Variants in TAF8 observed in about 807,000 individuals in gnomAD.
TAF8 encodes TATA-box binding protein associated factor 8, also known as transcription initiation factor TFIID subunit 8.
TAF8 carries 47 observed loss-of-function variants against 36.5 expected under a neutral mutation model. That is an observed-to-expected ratio of 1.29 (90% CI 1.02 to 1.64). The LOEUF is 1.64. Ranked by LOEUF, TAF8 falls within the 40% of genes most tolerant of loss-of-function variation. The pLI, the probability that TAF8 is intolerant of heterozygous loss-of-function variation, is 0.00. For synonymous variants in TAF8, 175 were observed against 159.5 expected, an observed-to-expected ratio of 1.10 and a Z score of -0.73; for missense variants, 420 against 407.6, an observed-to-expected ratio of 1.03 and a Z score of -0.26.
chr6:42,053,653 G>T lies in TAF8; in HGVS notation c.203-1878G>T, dbSNP rs189150363. Among the ~76,000 whole-genome samples the T allele has an allele frequency of 6.6e-5, 10 of 152,108 alleles. No individual in the cohort carries two copies. The East Asian group carries it at 1.5e-3, about 23-fold the overall frequency. ...TTCTGTTATTCATCAGACCCATGTTGTCATCAAAAGTCACATAGACTCAGG... is the reference window on the plus strand; with the variant it reads ...TTCTGTTATTCATCAGACCCATGTTTTCATCAAAAGTCACATAGACTCAGG... On this transcript the variant is annotated intron_variant, in intron 2 of 8. Transcript: ENST00000372977.
At chr6:42,077,331 C>G in intron 8 of TAF8, 92 bp downstream of exon 8, 1 of 1,520,102 alleles carries the variant, frequency 6.6e-7, no homozygotes, top group Non-Finnish European at 8.8e-7. Context: ...TGGGGCGGAG[C>G]CTTGGGGAAA....
rs546277037 is a variant in TAF8, at chr6:42,077,708, A to G, written c.*163A>G. 2.4e-5 allele frequency: 35 copies of G among 1,471,124 alleles called. No individual in the cohort carries two copies. Among genetic ancestry groups the G allele is most frequent in the Non-Finnish European group, 2.7e-5 (30 of 1,114,856 alleles). 91.1% of individuals were successfully genotyped at this position (1,471,124 alleles called of 1,614,324 possible). Reference sequence around the variant, plus strand: ...GCAAACCGTCTTATTAAGATGACCTATTTTCACTGGATGTTTGGGTTGAGG... The same window carrying G: ...GCAAACCGTCTTATTAAGATGACCTGTTTTCACTGGATGTTTGGGTTGAGG... On this transcript the variant is annotated 3_prime_UTR_variant, in exon 9 of 9. Transcript: ENST00000372977.
chr6:42,066,281 C>T lies in TAF8; in HGVS notation c.490-31C>T, dbSNP rs1164984866. ...TGAAAGCAGAATGATACTTCGGCAT[C>T]ACCCCAGTGTCTTTGCTGCTCTCTT... On this transcript the variant is annotated intron_variant, in intron 5 of 8. Coordinates refer to ENST00000372977, the MANE Select transcript of TAF8 (RefSeq NM_138572.3). 3.7e-6 allele frequency: 6 copies of T among 1,610,370 alleles called. No individual in the cohort carries two copies. The Admixed American group carries it at 1.0e-4, about 27-fold the overall frequency.
chr6:42,058,833 T>G (rs1379637315), intron 5 of TAF8, among the ~76,000 whole-genome samples: 1 of 152,188 alleles, frequency 6.6e-6, no homozygotes, highest in African/African-American at 2.4e-5. Context: ...GGGGAGTCCC[T>G]CCTTGCCTCT....
chr6:42,058,106 G>A (rs1453387471), intron 5 of TAF8, among the ~76,000 whole-genome samples: 4 of 152,046 alleles, frequency 2.6e-5, no homozygotes, highest in South Asian at 2.1e-4. Context: ...AGTAATGGCC[G>A]GGAGCAGTGG....
chr6:42,057,310 G>A, intron 4 of TAF8, 79 bp from the exon 5 acceptor site: 8 of 1,578,098 alleles, frequency 5.1e-6, no homozygotes, highest in Non-Finnish European at 6.9e-6. Context: ...TTTGAGAAAA[G>A]GAGGCTTTGG....
chr6:42,077,719 A>T lies in TAF8; in HGVS notation c.*174A>T. On this transcript the variant is annotated 3_prime_UTR_variant, in exon 9 of 9. Coordinates refer to ENST00000372977, the MANE Select transcript of TAF8 (RefSeq NM_138572.3). ...TATTAAGATGACCTATTTTCACTGGATGTTTGGGTTGAGGAAGATATGAAC... is the reference window on the plus strand; with the variant it reads ...TATTAAGATGACCTATTTTCACTGGTTGTTTGGGTTGAGGAAGATATGAAC... 1.4e-6 allele frequency: 2 copies of T among 1,462,538 alleles called. No homozygotes were observed. Among genetic ancestry groups the T allele is most frequent in the Non-Finnish European group, 1.8e-6 (2 of 1,111,296 alleles). 90.6% of individuals were successfully genotyped at this position (1,462,538 alleles called of 1,614,324 possible). A position where few individuals can be genotyped will look rare whatever the true frequency, so the allele number is the denominator to read the frequency against.
In TAF8 at chr6:42,078,664, A is replaced by G. The variant is rs1765833476; in HGVS notation, c.*1119A>G. 2 of 985,240 alleles carry G rather than the reference A, an allele frequency of 2.0e-6. No homozygotes were observed. The highest frequency in any genetic ancestry group is 2.4e-6 in the Non-Finnish European group (2 of 829,882). The allele number at this position is 985,240 out of a possible 1,614,324, so 61.0% of individuals were successfully genotyped here. A position where few individuals can be genotyped will look rare whatever the true frequency, so the allele number is the denominator to read the frequency against. ...CGAAAGCTCCCTGAAGCGGGGCAGC[A>G]CTCTCCTCCTGAGAGATTTACCATT... On this transcript the variant is annotated 3_prime_UTR_variant, in exon 9 of 9. Coordinates refer to ENST00000372977, the MANE Select transcript of TAF8 (RefSeq NM_138572.3).
chr6:42,059,338 G>A (rs891576992), intron 5 of TAF8, among the ~76,000 whole-genome samples: 4 of 151,410 alleles, frequency 2.6e-5, no homozygotes, highest in Admixed American at 6.6e-5. Context: ...AGCCGTGATT[G>A]CACCATTGCA....
intron 7 of TAF8, among the ~76,000 whole-genome samples, chr6:42,072,729 GTT>G (rs200182439): frequency 7.0e-6 from 1 of 143,468 alleles, no homozygotes; most frequent in Non-Finnish European, 1.5e-5. Context: ...TTTTTTGTTT[GTT>G]TTTTTTTTTG....
chr6:42,050,897 A>C, intron 1 of TAF8: 1 of 1,190,938 alleles, frequency 8.4e-7, no homozygotes, highest in Non-Finnish European at 1.0e-6. Context: ...CCGTTTCAAA[A>C]TATTTAGCTT....
chr6:42,066,385 G>C lies in TAF8; in HGVS notation c.563G>C (p.Arg188Pro). ...KAASQRRDVE[R>P]ALTRFMAKTG... ...GCATCCCAGAGGCGCGATGTGGAGC[G>C]GGCACTTACCCGTTTCATGGCCAAG... Residue 188 changes from arginine (R) to proline (P), a missense_variant, in exon 6 of 9, where the codon CGG becomes CCG. Arg to Pro is a moderately radical substitution (Grantham distance 103). Transcript: ENST00000372977. 1.2e-6 allele frequency: 2 copies of C among 1,614,204 alleles called. No individual in the cohort carries two copies. The highest frequency in any genetic ancestry group is 1.7e-6 in the Non-Finnish European group (2 of 1,180,036).
At position 42,078,224 on chromosome 6, in the gene TAF8, G is replaced by A; in HGVS notation, c.*679G>A. 1 of 985,484 alleles carries A rather than the reference G, an allele frequency of 1.0e-6. No individual in the cohort carries two copies. Among genetic ancestry groups the A allele is most frequent in the Non-Finnish European group, 1.2e-6 (1 of 829,990 alleles). 61.0% of individuals were successfully genotyped at this position (985,484 alleles called of 1,614,324 possible). A position where few individuals can be genotyped will look rare whatever the true frequency, so the allele number is the denominator to read the frequency against. On this transcript the variant is annotated 3_prime_UTR_variant, in exon 9 of 9. Transcript: ENST00000372977. ...CTTAATCAATCAGGCTATGTGGTGG[G>A]GCATAGCAGCAGCCAGTGACTTCGT...
chr6:42,052,024 TG>T (rs1215334245), intron 2 of TAF8, among the ~76,000 whole-genome samples: 23 of 152,162 alleles, frequency 1.5e-4, no homozygotes, highest in Non-Finnish European at 2.9e-5. Context: ...CAGATAGACT[TG>T]GTGTACATCA....
chr6:42,077,222 C>G lies in TAF8; in HGVS notation c.903C>G (p.Pro301=). The G allele has an allele frequency of 1.9e-6, 3 of 1,613,416 alleles. No homozygotes were observed. Among genetic ancestry groups the G allele is most frequent in the Non-Finnish European group, 2.5e-6 (3 of 1,179,502 alleles). ...DNPYLRPVKK[P]KIRRKKSLS The stretch of plus-strand genomic sequence containing the variant: ...CTTATCTGCGGCCGGTGAAGAAGCC[C>G]AAGATCCGCAGGAAGAAGTGAGTTG... Residue 301 remains proline (P), a synonymous_variant, in exon 8 of 9, where the codon CCC becomes CCG. Transcript: ENST00000372977.
At chr6:42,086,132 C>T (rs755573685), downstream of TAF8, among the ~76,000 whole-genome samples, 1 of 152,190 alleles carries the variant, frequency 6.6e-6, no homozygotes, top group African/African-American at 2.4e-5. Context: ...TGTTCATAAG[C>T]CACCCAGTTT....
chr6:42,085,974 A>G (rs536112762), downstream of TAF8, among the ~76,000 whole-genome samples: 1 of 152,266 alleles, frequency 6.6e-6, no homozygotes, highest in South Asian at 2.1e-4. Flanking sequence ...ACAGAGCGAG[A>G]CTCCATCACA....
Position 42,079,879 on chromosome 6 carries a change from G to A in TAF8, c.*2334G>A, listed in dbSNP as rs1172220575. 1.1e-5 allele frequency: 11 copies of A among 985,108 alleles called. No homozygotes were observed. The highest frequency in any genetic ancestry group is 1.3e-5 in the Non-Finnish European group (11 of 829,960). 61.0% of individuals were successfully genotyped at this position (985,108 alleles called of 1,614,324 possible). ...CATCTCTTAGTCTTCCATTCCCTTG[G>A]TGAATTTGGAAACTTGAAAAACTTG... On this transcript the variant is annotated 3_prime_UTR_variant, in exon 9 of 9. Coordinates refer to ENST00000372977, the MANE Select transcript of TAF8 (RefSeq NM_138572.3).
At chr6:42,068,414 G>A (rs1316702217) in intron 6 of TAF8, 51 bp from the exon 7 acceptor site, 1 of 1,609,488 alleles carries the variant, frequency 6.2e-7, no homozygotes, top group African/African-American at 1.3e-5. Flanking sequence ...CTCTAAGCCA[G>A]CTGCGAGGTC....
Sources: gnomAD v4.1 joint callset for allele counts (sites outside exome capture counted in the v4.1 genomes callset) on GRCh38, gnomAD v4.1.1 for gene constraint, MANE v1.5 for transcripts, NCBI Gene and HGNC (gene_info 2026-07-23, HGNC 2026-07-21) for gene names.